The following DHX38 variants were observed in gnomAD, a reference collection of about 807,000 sequenced individuals.
DHX38 encodes DEAH-box helicase 38, also known as pre-mRNA-splicing factor ATP-dependent RNA helicase PRP16.
DHX38 carries 100 observed loss-of-function variants against 153.1 expected under a neutral mutation model. The observed-to-expected ratio is 0.65, with a 90% CI of 0.56 to 0.77. DHX38 has a LOEUF of 0.77. DHX38 is among the 30% of genes least tolerant of loss of function. The pLI, the probability that DHX38 is intolerant of heterozygous loss-of-function variation, is 0.00. For missense variants in DHX38, 1,440 were observed against 1,654.0 expected (o/e 0.87, Z 2.24); for synonymous variants, 650 against 631.7 (o/e 1.03, Z -0.43).
chr16:72,103,062 G>T lies in DHX38; in HGVS notation c.1500-12G>T. The T allele has an allele frequency of 3.1e-6, 5 of 1,613,962 alleles. No individual in the cohort carries two copies. Among genetic ancestry groups the T allele is most frequent in the Middle Eastern group, 1.7e-4 (1 of 6,060 alleles). On this transcript the variant is annotated splice_polypyrimidine_tract_variant and intron_variant, in intron 11 of 26. Transcript: ENST00000268482. ...CACCATGCAGGGTGTTTAGGCTGCTGTGTGTTCCTAGGACAGAGCAGAAGT... is the reference window on the plus strand; with the variant it reads ...CACCATGCAGGGTGTTTAGGCTGCTTTGTGTTCCTAGGACAGAGCAGAAGT...
In DHX38 at chr16:72,100,489, G is replaced by T; in HGVS notation, c.1170G>T (p.Arg390=). Residue 390 remains arginine, a synonymous_variant, in exon 9 of 27, where the codon CGG becomes CGT. Transcript: ENST00000268482. ...TGCTCACCAGTGGGGTGGTCCATCG[G>T]CTGGAGGTGGATGAGGACTTTGAAG... is the stretch of plus-strand genomic sequence containing the variant. The part of the protein sequence containing the change: ...NRMLTSGVVH[R]LEVDEDFEED... 1 of 1,614,138 alleles carries T rather than the reference G, an allele frequency of 6.2e-7. No homozygotes were observed. Among genetic ancestry groups the T allele is most frequent in the Non-Finnish European group, 8.5e-7 (1 of 1,179,984 alleles).
intron 15 of DHX38, 21 bp from the exon 16 acceptor site, chr16:72,105,006 G>C (rs964840913): frequency 6.2e-7 from 1 of 1,611,288 alleles, no homozygotes. Flanking sequence ...CCCTCTGACT[G>C]TGTCCCCACT....
chr16:72,096,072 T>A, intron 1 of DHX38, 67 bp from the exon 2 acceptor site: 3 of 1,473,662 alleles, frequency 2.0e-6, no homozygotes, highest in Non-Finnish European at 2.7e-6. Context: ...TAACCATAAC[T>A]GCATTTATTG....
Position 72,105,132 on chromosome 16 carries a change from A to G in DHX38, c.2257A>G (p.Ile753Val). 6.2e-7 allele frequency: 1 copy of G among 1,614,204 alleles called. No individual in the cohort carries two copies. The highest frequency in any genetic ancestry group is 1.1e-5 in the South Asian group (1 of 91,088). ...TATCTTCATGCCTGGCCAAGAGGAC[A>G]TTGAGGTGCGTGCCTTGGTCACGAC... ...ILIFMPGQED[I>V]EVTSDQIVEH... The change falls in exon 16 of 27, where the codon ATT (isoleucine) becomes GTT (valine). Residue 753 changes from isoleucine to valine, a missense_variant. This residue lies in a region of DHX38 where 543 missense variants were observed against 717.9 expected (regional missense o/e 0.76). Coordinates refer to ENST00000268482, the MANE Select transcript of DHX38 (RefSeq NM_014003.4).
At chr16:72,100,404 A>T in intron 8 of DHX38, 32 bp from the exon 9 acceptor site, 1 of 1,608,646 alleles carries the variant, frequency 6.2e-7, no homozygotes, top group Non-Finnish European at 8.5e-7. Context: ...TGGGGTGGCA[A>T]TTTGAGTGTG....
chr16:72,096,800 C>T (rs747052931), intron 2 of DHX38, 22 bp from the exon 3 acceptor site: 7 of 1,600,720 alleles, frequency 4.4e-6, no homozygotes, highest in Non-Finnish European at 5.1e-6. Flanking sequence ...GGGGCCTTTA[C>T]CAGTTGCTCT....
chr16:72,103,454 G>T, intron 12 of DHX38, 148 bp from the exon 13 acceptor site: 1 of 978,580 alleles, frequency 1.0e-6, no homozygotes. Context: ...TCAGTAAGAG[G>T]CTGTTGTCCC....
chr16:72,108,838 C>T lies in DHX38; in HGVS notation c.3294C>T (p.Pro1098=), dbSNP rs768157673. 42 of 1,613,960 alleles carry T rather than the reference C, an allele frequency of 2.6e-5. No homozygotes were observed. The highest frequency in any genetic ancestry group is 2.2e-4 in the East Asian group (10 of 44,898). The stretch of plus-strand genomic sequence containing the variant: ...ACGTGAACATCCGCACAGGGATGCC[C>T]TGCCACTTGCACCCCACCAGCTCCC... ...GEYVNIRTGM[P]CHLHPTSSLF... Residue 1098 remains proline, a synonymous_variant, in exon 24 of 27, where the codon CCC becomes CCT. Coordinates refer to ENST00000268482, the MANE Select transcript of DHX38 (RefSeq NM_014003.4).
chr16:72,108,404 A>G, intron 22 of DHX38, 22 bp downstream of exon 22: 2 of 1,613,832 alleles, frequency 1.2e-6, no homozygotes, highest in Non-Finnish European at 1.7e-6. Context: ...GATGAGCAGG[A>G]TGTTGGGATG....
intron 2 of DHX38, 33 bp from the exon 3 acceptor site, chr16:72,096,789 A>G: frequency 6.3e-7 from 1 of 1,589,406 alleles, no homozygotes; most frequent in South Asian, 1.1e-5. Flanking sequence ...TCTCCTATGG[A>G]GGGGCCTTTA....
chr16:72,093,851 G>A lies in DHX38; in HGVS notation c.-220G>A. The stretch of plus-strand genomic sequence containing the variant: ...CCTGTTGGCGTACCGTTCCACACTT[G>A]GATCCAGGAATCGGGCGTGTTCCAG... On this transcript the variant is annotated 5_prime_UTR_variant, in exon 1 of 27. Transcript: ENST00000268482. The A allele has an allele frequency of 6.6e-6, 1 of 152,386 alleles. No homozygotes were observed. The highest frequency in any genetic ancestry group is 1.9e-4 in the East Asian group (1 of 5,194). The allele number at this position is 152,386 out of a possible 1,614,324, so 9.4% of individuals were successfully genotyped here. A position where few individuals can be genotyped will look rare whatever the true frequency, so the allele number is the denominator to read the frequency against.
rs1219394008 is a variant in DHX38 at position 72,105,089 on chromosome 16, G to T, written c.2214G>T (p.Gly738=). The T allele has an allele frequency of 6.2e-7, 1 of 1,614,098 alleles. No homozygotes were observed. The highest frequency in any genetic ancestry group is 1.3e-5 in the African/African-American group (1 of 74,930). The change falls in exon 16 of 27, where the codon GGG becomes GGT. Residue 738 remains glycine (G), a synonymous_variant. Coordinates refer to ENST00000268482, the MANE Select transcript of DHX38 (RefSeq NM_014003.4). ...AGTCCTTGCAGGTGCACCTGTCGGG[G>T]GCCCCTGGAGACATCCTTATCTTCA... is the stretch of plus-strand genomic sequence containing the variant. ...VKQSLQVHLS[G]APGDILIFMP... is the part of the protein sequence containing the mutation.
intron 6 of DHX38, 31 bp from the exon 7 acceptor site, chr16:72,099,173 A>C: frequency 6.2e-7 from 1 of 1,600,454 alleles, no homozygotes; most frequent in Non-Finnish European, 8.5e-7. Context: ...AGGCCAGGGC[A>C]TGGACTGACC....
intron 26 of DHX38, 53 bp from the exon 27 acceptor site, chr16:72,112,360 C>G: frequency 1.3e-6 from 2 of 1,560,048 alleles, no homozygotes; most frequent in Non-Finnish European, 1.8e-6. Flanking sequence ...TCCTGCCCTC[C>G]TGGCTGTGGG....
rs568396865 is a variant in DHX38, at chr16:72,099,791, G to C, written c.1020G>C (p.Leu340=). Reference sequence around the variant, plus strand: ...GCTATGACGAGTTCCACAACCCGCTGGCCTACTCCTCCGAGGACTACGTGA... The same window carrying C: ...GCTATGACGAGTTCCACAACCCGCTCGCCTACTCCTCCGAGGACTACGTGA... ...DEGYDEFHNP[L]AYSSEDYVRR... is the part of the protein sequence containing the mutation. Residue 340 remains leucine, a synonymous_variant, in exon 8 of 27, where the codon CTG becomes CTC. Coordinates refer to ENST00000268482, the MANE Select transcript of DHX38 (RefSeq NM_014003.4). 6.2e-7 allele frequency: 1 copy of C among 1,614,178 alleles called. No individual in the cohort carries two copies. The highest frequency in any genetic ancestry group is 1.3e-5 in the African/African-American group (1 of 75,056).
Position 72,107,876 on chromosome 16 carries a change from T to G in DHX38, c.2964+77T>G. 1 of 1,537,066 alleles carries G rather than the reference T, an allele frequency of 6.5e-7. No homozygotes were observed. The highest frequency in any genetic ancestry group is 8.8e-7 in the Non-Finnish European group (1 of 1,135,140). ...GGAGGGGAATGGCTTCTCTCTGTAT[T>G]ACTGAAATGGAACAGAGGGCAGAAT... On this transcript the variant is annotated intron_variant, in intron 21 of 26. Transcript: ENST00000268482. The surrounding 1 kb of genome is among the most constrained non-coding windows in gnomAD (Gnocchi z 5.3).
In DHX38 at chr16:72,107,657, C is replaced by T; in HGVS notation, c.2822C>T (p.Ser941Phe). Residue 941 changes from serine (S) to phenylalanine (F), a missense_variant, in exon 21 of 27, where the codon TCT becomes TTT. This residue lies in a region of DHX38 where 543 missense variants were observed against 717.9 expected (regional missense o/e 0.76). Transcript: ENST00000268482. The surrounding 1 kb of genome is among the most constrained non-coding windows in gnomAD (Gnocchi z 5.3). ...TCATCTCTCCTAGGTGGTCTGACCT[C>T]TACCGGGCGGCTGATGGTGGAGTTC... ...GALDNTGGLT[S>F]TGRLMVEFPL... The T allele has an allele frequency of 1.2e-6, 2 of 1,614,188 alleles. No individual in the cohort carries two copies. The highest frequency in any genetic ancestry group is 1.7e-6 in the Non-Finnish European group (2 of 1,180,032).
rs1428640627 is a variant in DHX38, at chr16:72,096,143, A to C, written c.-15A>C. On this transcript the variant is annotated 5_prime_UTR_variant, in exon 2 of 27. Transcript: ENST00000268482. ...AATGGTTTGCCTTCCTTCCAGAGAA[A>C]TCCCAGATCCTGTGATGGGGGACAC... The C allele has an allele frequency of 6.3e-7, 1 of 1,584,536 alleles. No individual in the cohort carries two copies. The highest frequency in any genetic ancestry group is 1.3e-5 in the African/African-American group (1 of 74,442).
chr16:72,107,663 G>T lies in DHX38; in HGVS notation c.2828G>T (p.Gly943Val). Residue 943 changes from glycine (G) to valine (V), a missense_variant, in exon 21 of 27, where the codon GGG becomes GTG. Gly to Val is a moderately radical substitution (Grantham distance 109). This residue lies in a region of DHX38 where 543 missense variants were observed against 717.9 expected (regional missense o/e 0.76). Transcript: ENST00000268482. This position sits in a 1 kb window ranked among gnomAD's most constrained non-coding sequence, Gnocchi z 5.3. ...CTCCTAGGTGGTCTGACCTCTACCG[G>T]GCGGCTGATGGTGGAGTTCCCGCTG... ...LDNTGGLTST[G>V]RLMVEFPLDP... The T allele has an allele frequency of 6.2e-7, 1 of 1,614,134 alleles. No homozygotes were observed.
Sources: gnomAD v4.1 joint callset for allele counts on GRCh38, gnomAD v4.1.1 for gene constraint, gnomAD v4.1.1 regional missense constraint, Gnocchi (gnomAD v3.1) non-coding constraint, MANE v1.5 for transcripts, NCBI Gene and HGNC (gene_info 2026-07-23, HGNC 2026-07-21) for gene names.